The following ANKRD11 variants were observed in gnomAD, a reference collection of about 807,000 sequenced individuals.
ANKRD11 encodes ankyrin repeat domain 11, also known as ankyrin repeat domain-containing protein 11.
Under a neutral mutation model 195.7 loss-of-function variants are expected in ANKRD11, and 17 were observed. The ratio of observed to expected loss-of-function variants is 0.09; its 90% CI spans 0.06 to 0.13. ANKRD11 has a LOEUF of 0.13. Among genes scored for constraint, ANKRD11 ranks in the 10% least tolerant of loss-of-function variants. ANKRD11 has a pLI of 1.00. For synonymous variants in ANKRD11, 1,953 were observed against 1,528.1 expected, an observed-to-expected ratio of 1.28 and a Z score of -6.49; for missense variants, 3,735 against 3,566.1, an observed-to-expected ratio of 1.05 and a Z score of -1.21.
intron 1 of ANKRD11, among the ~76,000 whole-genome samples, chr16:89,433,145 A>G (rs546909809): frequency 2.0e-5 from 3 of 152,316 alleles, no homozygotes; most frequent in African/African-American, 4.8e-5. Context: ...GATATTCACC[A>G]TAAGATGTAG....
intron 1 of ANKRD11, among the ~76,000 whole-genome samples, chr16:89,484,735 G>C (rs1471994797): frequency 6.6e-6 from 1 of 152,138 alleles, no homozygotes; most frequent in Non-Finnish European, 1.5e-5. Context: ...TTAGAGTTAA[G>C]TAATGAAGGG....
At chr16:89,448,155 T>C (rs1424125610) in intron 1 of ANKRD11, among the ~76,000 whole-genome samples, 1 of 152,036 alleles carries the variant, frequency 6.6e-6, no homozygotes, top group Non-Finnish European at 1.5e-5. Context: ...TTGCAGACAC[T>C]GGGCACCTTG....
intron 2 of ANKRD11, among the ~76,000 whole-genome samples, chr16:89,405,862 G>A (rs546539834): frequency 6.6e-6 from 1 of 152,190 alleles, no homozygotes; most frequent in African/African-American, 2.4e-5. Context: ...AATAATCCCA[G>A]CACTTTGGGA....
intron 9 of ANKRD11, among the ~76,000 whole-genome samples, chr16:89,275,896 C>A (rs551177419): frequency 6.6e-6 from 1 of 152,270 alleles, no homozygotes; most frequent in East Asian, 1.9e-4. Flanking sequence ...CACACAGGAG[C>A]GGGGAGCCAG....
intron 2 of ANKRD11, among the ~76,000 whole-genome samples, chr16:89,387,872 G>A (rs975978236): frequency 6.6e-6 from 1 of 151,102 alleles, no homozygotes; most frequent in African/African-American, 2.4e-5. Context: ...AGGCGTGGTG[G>A]TGGGTGGTGG....
chr16:89,393,313 TA>T (rs1401214451), intron 2 of ANKRD11, among the ~76,000 whole-genome samples: 141 of 149,592 alleles, frequency 9.4e-4, no homozygotes, highest in South Asian at 4.4e-3. Context: ...TTTTTATTTT[TA>T]TTTTTTTTTT....
At position 89,392,079 on chromosome 16, in the gene ANKRD11, A is replaced by G. The variant is rs529539305; in HGVS notation, c.-60+26205T>C. ...TTAAAAAGTTCTAAGTTGCTAGCCAATCGGGACAAATACAGAATGTGAGGT... is the reference window on the plus strand; with the variant it reads ...TTAAAAAGTTCTAAGTTGCTAGCCAGTCGGGACAAATACAGAATGTGAGGT... On this transcript the variant is annotated intron_variant, in intron 2 of 12. Coordinates refer to ENST00000301030, the MANE Select transcript of ANKRD11 (RefSeq NM_013275.6). Among the ~76,000 whole-genome samples the G allele has an allele frequency of 2.0e-5, 3 of 152,280 alleles. No individual in the cohort carries two copies. In the East Asian group the frequency reaches 5.8e-4, roughly 29 times the overall value.
intron 3 of ANKRD11, among the ~76,000 whole-genome samples, chr16:89,316,664 C>T (rs939897373): frequency 6.6e-6 from 1 of 152,200 alleles, no homozygotes; most frequent in Non-Finnish European, 1.5e-5. Flanking sequence ...GGGGTAGAAA[C>T]GTGCAGCCAC....
intron 1 of ANKRD11, among the ~76,000 whole-genome samples, chr16:89,449,244 T>C (rs1380129468): frequency 1.3e-5 from 2 of 151,166 alleles, no homozygotes; most frequent in African/African-American, 2.4e-5. Flanking sequence ...TGCATGCCTG[T>C]AGTCCCAACT....
chr16:89,446,672 A>G (rs1158790202), intron 1 of ANKRD11, among the ~76,000 whole-genome samples: 2 of 152,176 alleles, frequency 1.3e-5, no homozygotes, highest in African/African-American at 4.8e-5. Context: ...AGGGCTGTGA[A>G]GTGAAGCCCT....
At chr16:89,437,654 C>T (rs576219670) in intron 1 of ANKRD11, among the ~76,000 whole-genome samples, 1 of 152,308 alleles carries the variant, frequency 6.6e-6, no homozygotes, top group East Asian at 1.9e-4. Context: ...AGGCTAGAGA[C>T]GCTGTCCCTC....
intron 2 of ANKRD11, among the ~76,000 whole-genome samples, chr16:89,322,749 C>G (rs2037407283): frequency 6.6e-6 from 1 of 152,126 alleles, no homozygotes. Context: ...CTTGCTCCCA[C>G]GTCGGCCCTG....
rs140145732 is a variant in ANKRD11 at position 89,283,104 on chromosome 16, C to T, written c.3438G>A (p.Thr1146=). Residue 1146 remains threonine, a synonymous_variant, in exon 9 of 13, where the codon ACG becomes ACA. Coordinates refer to ENST00000301030, the MANE Select transcript of ANKRD11 (RefSeq NM_013275.6). The surrounding 1 kb of genome is among the most constrained non-coding windows in gnomAD (Gnocchi z 4.3). ...KMGEASDLPR[T]DGLQEKEEGR... Reference sequence around the variant, plus strand: ...CTTCCTCCTTCTCCTGGAGGCCGTCCGTCCTCGGCAAGTCGCTGGCCTCTC... The same window carrying T: ...CTTCCTCCTTCTCCTGGAGGCCGTCTGTCCTCGGCAAGTCGCTGGCCTCTC... 1.8e-5 allele frequency: 29 copies of T among 1,613,832 alleles called. No individual in the cohort carries two copies. Among genetic ancestry groups the T allele is most frequent in the African/African-American group, 9.3e-5 (7 of 74,890 alleles).
chr16:89,355,651 T>C lies in ANKRD11; in HGVS notation c.-59-38573A>G, dbSNP rs138669913. Among the ~76,000 whole-genome samples, 515 of 152,174 alleles carry C rather than the reference T, an allele frequency of 3.4e-3. 1 individual carries two copies. The highest frequency in any genetic ancestry group is 0.012 in the African/African-American group (497 of 41,512). On this transcript the variant is annotated intron_variant, in intron 2 of 12. Transcript: ENST00000301030. ...GGATCAAAAGAAGGTCTCTTAAAAA[T>C]AAAGGGTTTCTTCCATTAATAAGTA... is the stretch of plus-strand genomic sequence containing the variant.
At chr16:89,335,712 TGCAAACA>T (rs1348501061) in intron 2 of ANKRD11, among the ~76,000 whole-genome samples, 1 of 152,212 alleles carries the variant, frequency 6.6e-6, no homozygotes, top group Admixed American at 6.5e-5. Flanking sequence ...CCCAGGGGCC[TGCAAACA>T]GCAAGGACCA....
intron 2 of ANKRD11, among the ~76,000 whole-genome samples, chr16:89,318,386 G>A (rs890177825): frequency 1.3e-5 from 2 of 152,242 alleles, no homozygotes; most frequent in Admixed American, 6.5e-5. Context: ...TCGCCGCACC[G>A]TCAGTTAGAA....
intron 2 of ANKRD11, among the ~76,000 whole-genome samples, chr16:89,403,296 G>A: frequency 6.6e-6 from 1 of 152,152 alleles, no homozygotes; most frequent in Admixed American, 6.5e-5. Context: ...GAGCAATCCT[G>A]TGTGGCCTGC....
intron 4 of ANKRD11, among the ~76,000 whole-genome samples, chr16:89,303,095 G>T (rs1454887551): frequency 6.6e-6 from 1 of 152,160 alleles, no homozygotes; most frequent in Non-Finnish European, 1.5e-5. Flanking sequence ...AGATGGGGTG[G>T]GCACCAGGTA....
At chr16:89,326,945 G>A (rs776611250) in intron 2 of ANKRD11, among the ~76,000 whole-genome samples, 2 of 152,186 alleles carry the variant, frequency 1.3e-5, no homozygotes, top group African/African-American at 2.4e-5. Flanking sequence ...AGGCGGAGAC[G>A]CAGAGAAAAG....
Sources: gnomAD v4.1 joint callset for allele counts (sites outside exome capture counted in the v4.1 genomes callset) on GRCh38, gnomAD v4.1.1 for gene constraint, Gnocchi (gnomAD v3.1) non-coding constraint, MANE v1.5 for transcripts, NCBI Gene and HGNC (gene_info 2026-07-23, HGNC 2026-07-21) for gene names.